The following DMD variants were observed in gnomAD, a reference collection of about 807,000 sequenced individuals.
DMD encodes mutant dystrophin.
Under a neutral mutation model 330.1 loss-of-function variants are expected in DMD, and 63 were observed. The ratio of observed to expected loss-of-function variants is 0.19; its 90% CI spans 0.16 to 0.24. DMD has a LOEUF of 0.24. Among genes scored for constraint, DMD ranks in the 10% least tolerant of loss-of-function variants. DMD has a pLI of 1.00. For synonymous variants in DMD, 1,223 were observed against 959.8 expected, an observed-to-expected ratio of 1.27 and a Z score of -5.07; for missense variants, 3,344 against 2,684.1, an observed-to-expected ratio of 1.25 and a Z score of -5.43.
intron 50 of DMD, among the ~76,000 whole-genome samples, chrX:31,792,859 C>T (rs182207845): frequency 1.2e-3 from 130 of 111,733 alleles, no homozygotes; most frequent in African/African-American, 3.6e-3. Context: ...TTTGTCTTTT[C>T]ACAGGAGGCA....
intron 9 of DMD, among the ~76,000 whole-genome samples, chrX:32,688,601 T>A (rs950520342): frequency 9.0e-6 from 1 of 111,708 alleles, no homozygotes; most frequent in African/African-American, 3.3e-5. Context: ...TCACATACAC[T>A]ATGCATTAAT....
intron 11 of DMD, among the ~76,000 whole-genome samples, chrX:32,621,140 G>A (rs959247541): frequency 9.0e-6 from 1 of 111,123 alleles, no homozygotes; most frequent in South Asian, 3.8e-4. Context: ...AGTCTGTAAA[G>A]GGGGGCCTTT....
intron 7 of DMD, among the ~76,000 whole-genome samples, chrX:32,730,764 T>C (rs2067495307): frequency 8.9e-6 from 1 of 112,010 alleles, no homozygotes. Flanking sequence ...GTGGAGGCTA[T>C]GTATTCAATA....
At chrX:31,907,787 A>C (rs1462494783) in intron 47 of DMD, among the ~76,000 whole-genome samples, 1 of 112,325 alleles carries the variant, frequency 8.9e-6, no homozygotes, top group Non-Finnish European at 1.9e-5. Context: ...AGCAACCTAC[A>C]TAATGGGAGA....
At chrX:33,099,634 T>C (rs1289059498) in intron 1 of DMD, among the ~76,000 whole-genome samples, 1 of 112,216 alleles carries the variant, frequency 8.9e-6, no homozygotes, top group Non-Finnish European at 1.9e-5. Context: ...AAATTTTGTA[T>C]GAACTTGTGG....
intron 53 of DMD, among the ~76,000 whole-genome samples, chrX:31,674,560 A>T (rs2081976970): frequency 8.9e-6 from 1 of 112,345 alleles, no homozygotes; most frequent in African/African-American, 3.2e-5. Flanking sequence ...TAGCTCAGCC[A>T]AGCACAAAAC....
intron 20 of DMD, among the ~76,000 whole-genome samples, chrX:32,487,209 T>C (rs2042570098): frequency 8.9e-6 from 1 of 112,008 alleles, no homozygotes; most frequent in Non-Finnish European, 1.9e-5. Flanking sequence ...ATTCTCTACA[T>C]AAATGTTTTC....
chrX:32,787,247 T>TGTGTGTGTGTGA (rs1322043646), intron 7 of DMD, among the ~76,000 whole-genome samples: 1 of 77,570 alleles, frequency 1.3e-5, no homozygotes, highest in African/African-American at 5.0e-5. Context: ...TGTGTGTGTG[T>TGTGTGTGTGTGA]GAGAGAGAGA....
intron 2 of DMD, among the ~76,000 whole-genome samples, chrX:32,964,518 G>A (rs1349277335): frequency 9.2e-6 from 1 of 109,135 alleles, no homozygotes; most frequent in Non-Finnish European, 1.9e-5. Context: ...GACCAGCCTG[G>A]CCAACATGGC....
At chrX:32,447,676 C>T (rs1292930944) in intron 27 of DMD, among the ~76,000 whole-genome samples, 1 of 111,729 alleles carries the variant, frequency 9.0e-6, no homozygotes, top group Non-Finnish European at 1.9e-5. Flanking sequence ...ATAACTCAGT[C>T]TGTGTGAGGG....
intron 66 of DMD, among the ~76,000 whole-genome samples, chrX:31,205,438 C>T (rs1428215475): frequency 8.9e-6 from 1 of 111,935 alleles, no homozygotes; most frequent in Non-Finnish European, 1.9e-5. Flanking sequence ...AACATGTTCC[C>T]TCTTAGTAGT....
chrX:31,522,994 G>C (rs1276915847), intron 55 of DMD, among the ~76,000 whole-genome samples: 1 of 111,459 alleles, frequency 9.0e-6, no homozygotes, highest in Non-Finnish European at 1.9e-5. Flanking sequence ...TGCATCAGTA[G>C]TTCCCTTAGT....
intron 59 of DMD, among the ~76,000 whole-genome samples, chrX:31,470,217 G>A: frequency 9.0e-6 from 1 of 111,547 alleles, no homozygotes; most frequent in Non-Finnish European, 1.9e-5. Context: ...TTCCCTTGCT[G>A]GAGAGGAGTT....
intron 76 of DMD, among the ~76,000 whole-genome samples, chrX:31,145,092 T>A (rs1414493800): frequency 8.9e-6 from 1 of 112,324 alleles, no homozygotes; most frequent in African/African-American, 3.2e-5. Context: ...TCCTTCTTAC[T>A]TGGTAATGTT....
chrX:32,027,183 C>CACACACACACACAGAGAG (rs774715155), intron 44 of DMD, among the ~76,000 whole-genome samples: 1 of 97,502 alleles, frequency 1.0e-5, no homozygotes, highest in African/African-American at 3.9e-5. Flanking sequence ...CACACACACA[C>CACACACACACACAGAGAG]AGAGAGAGAG....
chrX:32,715,719 T>G (rs919707309), intron 7 of DMD, among the ~76,000 whole-genome samples: 1 of 109,958 alleles, frequency 9.1e-6, no homozygotes, highest in African/African-American at 3.3e-5. Flanking sequence ...GATAATCACT[T>G]GAACCGGGGA....
chrX:32,866,775 C>T (rs1231513531), intron 2 of DMD, among the ~76,000 whole-genome samples: 1 of 106,463 alleles, frequency 9.4e-6, no homozygotes, highest in Non-Finnish European at 1.9e-5. Context: ...ACTCTTTCGC[C>T]CAGCCTGCAG....
In DMD at chrX:31,717,632, T is replaced by C. The variant is rs761901397; in HGVS notation, c.7660+11999A>G. Among the ~76,000 whole-genome samples, 3 of 112,371 alleles carry C rather than the reference T, an allele frequency of 2.7e-5. No individual in the cohort carries two copies. The South Asian group carries it at 1.1e-3, about 42-fold the overall frequency. ...GCTTTAAAATGCCAACGTGAGCCTATATATTCCTGTGCTGTTCATATTACC... is the reference window on the plus strand; with the variant it reads ...GCTTTAAAATGCCAACGTGAGCCTACATATTCCTGTGCTGTTCATATTACC... On this transcript the variant is annotated intron_variant, in intron 52 of 78. Transcript: ENST00000357033.
At chrX:32,204,579 C>G (rs2097055420) in intron 44 of DMD, among the ~76,000 whole-genome samples, 1 of 111,839 alleles carries the variant, frequency 8.9e-6, no homozygotes, top group Non-Finnish European at 1.9e-5. Flanking sequence ...CCAGAAATCA[C>G]CCAACACACA....
Sources: gnomAD v4.1 joint callset for allele counts (sites outside exome capture counted in the v4.1 genomes callset) on GRCh38, gnomAD v4.1.1 for gene constraint, MANE v1.5 for transcripts, NCBI Gene and HGNC (gene_info 2026-07-23, HGNC 2026-07-21) for gene names.